DIS3L2: variants seen among roughly 807,000 people sequenced by gnomAD.
The protein encoded by DIS3L2 is DIS3 like 3'-5' exoribonuclease 2.
A neutral mutation model predicts 97.5 loss-of-function variants in DIS3L2; 34 were observed. The ratio of observed to expected loss-of-function variants is 0.35; its 90% confidence interval spans 0.27 to 0.46. The LOEUF is 0.46. Among genes scored for constraint, DIS3L2 ranks in the 20% least tolerant of loss-of-function variants. The pLI, the probability that DIS3L2 is intolerant of heterozygous loss-of-function variation, is 1.00. For synonymous variants in DIS3L2, 435 were observed against 445.2 expected, an observed-to-expected ratio of 0.98 and a Z score of 0.29; for missense variants, 1,038 against 1,146.0, an observed-to-expected ratio of 0.91 and a Z score of 1.36.
At chr2:232,159,226 C>T (rs932015788) in intron 8 of DIS3L2, among the ~76,000 whole-genome samples, 2 of 152,194 alleles carry the variant, frequency 1.3e-5, no homozygotes, top group Non-Finnish European at 2.9e-5. Flanking sequence ...AAGCCAAGAA[C>T]AAGAAGCCCA....
At chr2:232,197,779 C>T (rs1307626360) in intron 9 of DIS3L2, among the ~76,000 whole-genome samples, 3 of 151,824 alleles carry the variant, frequency 2.0e-5, no homozygotes, top group East Asian at 1.9e-4. Context: ...CCATCCTGGC[C>T]AACATGGTGA....
chr2:232,137,109 G>C (rs775493458), intron 8 of DIS3L2, among the ~76,000 whole-genome samples: 2 of 152,126 alleles, frequency 1.3e-5, no homozygotes, highest in Non-Finnish European at 2.9e-5. Flanking sequence ...GAGACCCCAG[G>C]CTCCTTTGCT....
intron 13 of DIS3L2, among the ~76,000 whole-genome samples, chr2:232,279,504 GTGTTTGTTTGTTTGTTTGTTTGTT>G (rs112447261): frequency 6.7e-6 from 1 of 149,604 alleles, no homozygotes; most frequent in Non-Finnish European, 1.5e-5. Context: ...ATTGGTGTGT[GTGTTTGTTTGTTTGTTTGTTTGTT>G]TGTTTGTTTG....
chr2:232,158,718 A>G (rs1690570099), intron 8 of DIS3L2, among the ~76,000 whole-genome samples: 1 of 152,188 alleles, frequency 6.6e-6, no homozygotes, highest in Non-Finnish European at 1.5e-5. Context: ...ACAAGAACCC[A>G]GACAGACAGT....
intron 1 of DIS3L2, 119 bp from the exon 2 acceptor site, chr2:232,014,716 A>G: frequency 2.1e-6 from 1 of 477,384 alleles, no homozygotes; most frequent in East Asian, 3.4e-5. Context: ...AGAGAATGTG[A>G]TGCCAGAACC....
rs113339602 is a variant in DIS3L2 at position 232,297,241 on chromosome 2, A to G, written c.1660-2799A>G. The stretch of plus-strand genomic sequence containing the variant: ...TCAGAGCTGGTCTTTCTGCCCTGAA[A>G]CCTGCCATGGCTTCTCTCTTCTGGT... On this transcript the variant is annotated intron_variant, in intron 13 of 20. Coordinates refer to ENST00000325385, the MANE Select transcript of DIS3L2 (RefSeq NM_152383.5). Among the ~76,000 whole-genome samples, 733 of 151,928 alleles carry G rather than the reference A, an allele frequency of 4.8e-3. 3 individuals carry two copies. The highest frequency in any genetic ancestry group is 7.7e-3 in the Non-Finnish European group (524 of 67,930).
intron 6 of DIS3L2, among the ~76,000 whole-genome samples, chr2:232,127,144 G>A (rs965139474): frequency 1.3e-5 from 2 of 152,160 alleles, no homozygotes; most frequent in African/African-American, 4.8e-5. Flanking sequence ...GGGCTGGAAA[G>A]TTTCTCAGCA....
At chr2:232,340,265 G>A (rs1441740320), downstream of DIS3L2, among the ~76,000 whole-genome samples, 2 of 152,180 alleles carry the variant, frequency 1.3e-5, no homozygotes, top group Middle Eastern at 3.2e-3. Context: ...TGAGAAAGGC[G>A]ACTCCAAAGC....
chr2:232,237,626 C>T (rs1489512857), intron 10 of DIS3L2, among the ~76,000 whole-genome samples: 1 of 144,308 alleles, frequency 6.9e-6, no homozygotes. Flanking sequence ...AGAAAGACCA[C>T]GGTAAGCCTC....
intron 13 of DIS3L2, among the ~76,000 whole-genome samples, chr2:232,294,241 G>A (rs1168250747): frequency 1.3e-5 from 2 of 152,230 alleles, no homozygotes; most frequent in Non-Finnish European, 2.9e-5. Flanking sequence ...CCTCAGAGCT[G>A]TCACGTCCAG....
intron 1 of DIS3L2, among the ~76,000 whole-genome samples, chr2:231,965,849 G>A (rs765128368): frequency 9.9e-5 from 15 of 152,140 alleles, no homozygotes; most frequent in Non-Finnish European, 2.9e-5. Context: ...CTGATGCCAC[G>A]TCCATGTTGC....
chr2:232,329,999 G>A lies in DIS3L2; in HGVS notation c.1923+3G>A, dbSNP rs763148451. ...TCAGCTCCGCAGGAGCCCTCAATGT[G>A]AGTGGTGGGCAGGATTCGGGGGAGG... On this transcript the variant is annotated splice_donor_region_variant and intron_variant, in intron 15 of 20. Coordinates refer to ENST00000325385, the MANE Select transcript of DIS3L2 (RefSeq NM_152383.5). The A allele has an allele frequency of 6.2e-7, 1 of 1,605,176 alleles. No individual in the cohort carries two copies. The highest frequency in any genetic ancestry group is 8.5e-7 in the Non-Finnish European group (1 of 1,174,710).
intron 13 of DIS3L2, among the ~76,000 whole-genome samples, chr2:232,296,541 G>C (rs1365517252): frequency 1.3e-5 from 2 of 152,148 alleles, no homozygotes; most frequent in South Asian, 2.1e-4. Flanking sequence ...AATTATGGGG[G>C]TGGGCTTTCC....
chr2:232,082,349 G>A (rs1259140539), intron 5 of DIS3L2, among the ~76,000 whole-genome samples: 2 of 152,174 alleles, frequency 1.3e-5, no homozygotes, highest in Non-Finnish European at 2.9e-5. Flanking sequence ...GACTGGTACT[G>A]GTCTGTGGCC....
intron 1 of DIS3L2, among the ~76,000 whole-genome samples, chr2:231,979,632 C>T (rs1693193894): frequency 6.6e-6 from 1 of 151,976 alleles, no homozygotes; most frequent in Non-Finnish European, 1.5e-5. Context: ...GGCTGGAGTG[C>T]AGTGGTGTGA....
intron 13 of DIS3L2, among the ~76,000 whole-genome samples, chr2:232,263,809 A>T (rs1459156112): frequency 6.6e-6 from 1 of 152,140 alleles, no homozygotes; most frequent in African/African-American, 2.4e-5. Context: ...TCTTTAATGG[A>T]GGCAAGAATA....
chr2:231,996,902 C>G (rs770030086), intron 1 of DIS3L2, among the ~76,000 whole-genome samples: 2 of 152,218 alleles, frequency 1.3e-5, no homozygotes, highest in Non-Finnish European at 2.9e-5. Context: ...CACATGGTGG[C>G]CTTAGTGACA....
At chr2:232,279,931 T>C (rs1258553738) in intron 13 of DIS3L2, among the ~76,000 whole-genome samples, 1 of 152,198 alleles carries the variant, frequency 6.6e-6, no homozygotes, top group Non-Finnish European at 1.5e-5. Context: ...ATTTCTTCTC[T>C]CTCCATTCTC....
At chr2:232,252,666 C>T (rs562800528) in intron 12 of DIS3L2, among the ~76,000 whole-genome samples, 11 of 151,936 alleles carry the variant, frequency 7.2e-5, no homozygotes, top group Non-Finnish European at 8.8e-5. Flanking sequence ...TTTGGGAGGC[C>T]GAAGCGGGCA....
Sources: allele counts gnomAD v4.1 joint callset (sites outside exome capture counted in the v4.1 genomes callset), GRCh38; gene constraint gnomAD v4.1.1; transcripts MANE v1.5; gene names NCBI Gene and HGNC (gene_info 2026-07-23, HGNC 2026-07-21).